Variants in GABRA5 observed in about 807,000 individuals in gnomAD.
GABRA5 encodes the protein gamma-aminobutyric acid receptor subunit alpha-5.
GABRA5 carries 18 observed loss-of-function variants against 47.3 expected under a neutral mutation model. The observed-to-expected ratio is 0.38, with a 90% CI of 0.26 to 0.56. The LOEUF (loss-of-function observed/expected upper bound fraction) is 0.56, where lower values mean the gene tolerates loss of function less well. Ranked by LOEUF, GABRA5 falls within the 20% of genes least tolerant of loss-of-function variation. The pLI, the probability that GABRA5 is intolerant of heterozygous loss-of-function variation, is 0.71. For synonymous variants in GABRA5, 237 were observed against 229.3 expected, an observed-to-expected ratio of 1.03 and a Z score of -0.30; for missense variants, 365 against 599.3, an observed-to-expected ratio of 0.61 and a Z score of 4.08.
At chr15:26,881,050 C>A in intron 4 of GABRA5, 83 bp downstream of exon 4, 2 of 1,457,622 alleles carry the variant, frequency 1.4e-6, no homozygotes, top group South Asian at 2.8e-5. Flanking sequence ...TGCGCTGATT[C>A]AAACAATTCC....
intron 6 of GABRA5, among the ~76,000 whole-genome samples, chr15:26,906,626 C>T (rs1199683423): frequency 1.3e-5 from 2 of 152,044 alleles, no homozygotes; most frequent in South Asian, 4.1e-4. Flanking sequence ...AATTTCTTAA[C>T]GTTAAACTTT....
chr15:26,899,195 T>G (rs1893269296), intron 6 of GABRA5, among the ~76,000 whole-genome samples: 1 of 152,230 alleles, frequency 6.6e-6, no homozygotes, highest in East Asian at 1.9e-4. Context: ...TATGATGTAC[T>G]CTTTGACCCA....
intron 6 of GABRA5, among the ~76,000 whole-genome samples, chr15:26,909,451 A>C (rs536632997): frequency 1.3e-5 from 2 of 152,326 alleles, no homozygotes; most frequent in East Asian, 3.9e-4. Flanking sequence ...CATAGCATCA[A>C]TAGGAAATAC....
Position 26,883,566 on chromosome 15 carries a change from C to A in GABRA5, c.497+9C>A. 1 of 540,564 alleles carries A rather than the reference C, an allele frequency of 1.8e-6. No homozygotes were observed. 33.5% of individuals were successfully genotyped at this position (540,564 alleles called of 1,614,324 possible). ...CTGCTCTACACCATGCGGTGAGCGC[C>A]GGGCGGGGGCGGGCGGGGCCGGGGG... On this transcript the variant is annotated intron_variant, in intron 6 of 10. Transcript: ENST00000335625. This position sits in a 1 kb window ranked among gnomAD's most constrained non-coding sequence, Gnocchi z 4.8.
At chr15:26,919,134 C>A (rs574461690) in intron 7 of GABRA5, among the ~76,000 whole-genome samples, 115 of 137,950 alleles carry the variant, frequency 8.3e-4, no homozygotes, top group African/African-American at 3.2e-3. Context: ...TAGTGTAACA[C>A]CCTGTCTCAA....
chr15:26,914,175 A>G (rs149664949), intron 6 of GABRA5, among the ~76,000 whole-genome samples: 5,659 of 152,228 alleles, frequency 0.037, 269 homozygotes, highest in African/African-American at 0.11. Context: ...AAAAATAATA[A>G]TTAGGGTGTA....
At chr15:26,943,531 C>G (rs1228159912) in intron 10 of GABRA5, 105 bp downstream of exon 10, 2 of 992,362 alleles carry the variant, frequency 2.0e-6, no homozygotes, top group East Asian at 5.2e-5. Flanking sequence ...TACCCGCCAG[C>G]CCCCGAATGC....
At chr15:26,891,488 C>CATGCGCAA (rs1893005007) in intron 6 of GABRA5, among the ~76,000 whole-genome samples, 1 of 152,208 alleles carries the variant, frequency 6.6e-6, no homozygotes, top group Admixed American at 6.5e-5. Flanking sequence ...CAACAGGAAG[C>CATGCGCAA]TAGCTATGCG....
At chr15:26,914,698 T>C (rs1893679996) in intron 6 of GABRA5, 105 bp from the exon 7 acceptor site, 1 of 803,552 alleles carries the variant, frequency 1.2e-6, no homozygotes, top group South Asian at 1.5e-5. Flanking sequence ...ATAAGAGACA[T>C]TAATTTTTAA....
intron 3 of GABRA5, among the ~76,000 whole-genome samples, chr15:26,869,970 T>C (rs1427788534): frequency 6.6e-6 from 1 of 152,202 alleles, no homozygotes; most frequent in East Asian, 1.9e-4. Context: ...TTTTTTTTCA[T>C]GAAACTAGTG....
rs1438308649 is a variant in GABRA5 at position 26,943,442 on chromosome 15, C to T, written c.1089+16C>T. 4 of 1,564,200 alleles carry T rather than the reference C, an allele frequency of 2.6e-6. No individual in the cohort carries two copies. The highest frequency in any genetic ancestry group is 3.8e-5 in the Admixed American group (2 of 53,244). Reference sequence around the variant, plus strand: ...CAAGATCAAGGTACTGACTATTTCTCCTCCTTTCTTCCAGGTCCCCTTGAC... The same window carrying T: ...CAAGATCAAGGTACTGACTATTTCTTCTCCTTTCTTCCAGGTCCCCTTGAC... On this transcript the variant is annotated intron_variant, in intron 10 of 10. Coordinates refer to ENST00000335625, the MANE Select transcript of GABRA5 (RefSeq NM_000810.4).
chr15:26,881,942 C>T (rs537854453), intron 4 of GABRA5, among the ~76,000 whole-genome samples: 83 of 152,296 alleles, frequency 5.4e-4, no homozygotes, highest in African/African-American at 1.7e-3. Context: ...GCAGGCGATC[C>T]ACCCACCTCG....
At chr15:26,910,948 A>G (rs1893568197) in intron 6 of GABRA5, among the ~76,000 whole-genome samples, 1 of 152,164 alleles carries the variant, frequency 6.6e-6, no homozygotes, top group Non-Finnish European at 1.5e-5. Context: ...AGCATTCCAC[A>G]TTTCAAGAGC....
At chr15:26,892,907 G>A (rs1893044660) in intron 6 of GABRA5, among the ~76,000 whole-genome samples, 1 of 150,734 alleles carries the variant, frequency 6.6e-6, no homozygotes. Flanking sequence ...GTGTGTATGA[G>A]GTTGTGTGTG....
chr15:26,947,095 AT>A (rs1299975241), intron 10 of GABRA5, among the ~76,000 whole-genome samples: 3 of 152,222 alleles, frequency 2.0e-5, no homozygotes, highest in African/African-American at 7.2e-5. Flanking sequence ...CTTCCCTTAT[AT>A]CCACACACCG....
At chr15:26,884,666 G>T (rs1892829190) in intron 6 of GABRA5, among the ~76,000 whole-genome samples, 1 of 152,110 alleles carries the variant, frequency 6.6e-6, no homozygotes, top group African/African-American at 2.4e-5. Flanking sequence ...ATGTTCTGGT[G>T]AATACTGTAA....
At chr15:26,895,054 G>A (rs1219983623) in intron 6 of GABRA5, among the ~76,000 whole-genome samples, 4 of 151,872 alleles carry the variant, frequency 2.6e-5, no homozygotes, top group Non-Finnish European at 4.4e-5. Context: ...CTGGTTCTCT[G>A]CTAACCAGCT....
chr15:26,937,858 A>G (rs1351863184), intron 8 of GABRA5, among the ~76,000 whole-genome samples: 1 of 152,232 alleles, frequency 6.6e-6, no homozygotes, highest in Non-Finnish European at 1.5e-5. Context: ...TGGTGGGGAA[A>G]CCAAAGAAAC....
chr15:26,872,408 C>T (rs1294140102), intron 3 of GABRA5, among the ~76,000 whole-genome samples: 2 of 152,122 alleles, frequency 1.3e-5, no homozygotes, highest in South Asian at 2.1e-4. Context: ...GACTCCGCCC[C>T]CTGTCACTTC....
Sources: gnomAD v4.1 joint callset for allele counts (sites outside exome capture counted in the v4.1 genomes callset) on GRCh38, gnomAD v4.1.1 for gene constraint, Gnocchi (gnomAD v3.1) non-coding constraint, MANE v1.5 for transcripts, NCBI Gene and HGNC (gene_info 2026-07-23, HGNC 2026-07-21) for gene names.